PRKCA: variants seen among roughly 807,000 people sequenced by gnomAD.
PRKCA encodes protein kinase C alpha type.
A neutral mutation model predicts 87.0 loss-of-function variants in PRKCA; 27 were observed. The observed-to-expected ratio is 0.31, with a 90% CI of 0.23 to 0.43. The LOEUF is 0.43. Among genes scored for constraint, PRKCA ranks in the 20% least tolerant of loss-of-function variants. The probability of loss-of-function intolerance (pLI) is 1.00; values close to 1 mark genes in which losing one functional copy is unlikely to be tolerated. For synonymous variants in PRKCA, 329 were observed against 311.1 expected (o/e 1.06, Z -0.61); for missense variants, 518 against 852.3 (o/e 0.61, Z 4.88).
intron 8 of PRKCA, among the ~76,000 whole-genome samples, chr17:66,693,013 CAA>C (rs1972824187): frequency 6.6e-6 from 1 of 152,200 alleles, no homozygotes; most frequent in African/African-American, 2.4e-5. Flanking sequence ...CTCCAAAAAT[CAA>C]AAGTCATTCA....
chr17:66,533,702 C>T (rs1257337548), intron 3 of PRKCA, among the ~76,000 whole-genome samples: 1 of 140,122 alleles, frequency 7.1e-6, no homozygotes, highest in Non-Finnish European at 1.5e-5. Flanking sequence ...AGGCTGCCGC[C>T]CCCACTGGCC....
At chr17:66,633,921 C>G (rs545662046) in intron 3 of PRKCA, among the ~76,000 whole-genome samples, 6 of 152,318 alleles carry the variant, frequency 3.9e-5, no homozygotes, top group African/African-American at 1.4e-4. Context: ...GCAGACTTAC[C>G]TAGAATATGA....
At chr17:66,623,595 T>C (rs1970756435) in intron 3 of PRKCA, among the ~76,000 whole-genome samples, 1 of 152,164 alleles carries the variant, frequency 6.6e-6, no homozygotes, top group African/African-American at 2.4e-5. Flanking sequence ...GCAGTGGCCC[T>C]CTTTTGGGTG....
intron 5 of PRKCA, among the ~76,000 whole-genome samples, chr17:66,648,500 G>C (rs1210434541): frequency 6.6e-6 from 1 of 152,150 alleles, no homozygotes; most frequent in Non-Finnish European, 1.5e-5. Context: ...AAATTGGATG[G>C]CTAAATATTT....
At position 66,689,654 on chromosome 17, in the gene PRKCA, T is replaced by C. The variant is rs904410772; in HGVS notation, c.918+607T>C. ...GGTCTTTTTACTTCTCCTCCTCTGC[T>C]CCTTACTCCTCTTTTTCTTCTCCTC... On this transcript the variant is annotated intron_variant, in intron 8 of 16. Coordinates refer to ENST00000413366, the MANE Select transcript of PRKCA (RefSeq NM_002737.3). The surrounding 1 kb of genome is among the most constrained non-coding windows in gnomAD (Gnocchi z 4.1). Among the ~76,000 whole-genome samples the C allele has an allele frequency of 2.0e-5, 3 of 152,194 alleles. No individual in the cohort carries two copies. The highest frequency in any genetic ancestry group is 2.9e-5 in the Non-Finnish European group (2 of 68,034).
At chr17:66,781,870 T>G (rs62070961) in intron 14 of PRKCA, among the ~76,000 whole-genome samples, 39,226 of 106,640 alleles carry the variant, frequency 0.37, 7,130 homozygotes, top group African/African-American at 0.61. Context: ...GAGAGAGAGA[T>G]ATATATATAT....
intron 2 of PRKCA, among the ~76,000 whole-genome samples, chr17:66,472,402 C>G (rs1915363203): frequency 1.3e-5 from 2 of 152,298 alleles, no homozygotes; most frequent in Non-Finnish European, 1.5e-5. Flanking sequence ...CACAGGTGTC[C>G]CTGGGTTGGC....
At chr17:66,647,131 C>G (rs1567953142) in intron 5 of PRKCA, among the ~76,000 whole-genome samples, 1 of 40,604 alleles carries the variant, frequency 2.5e-5, no homozygotes, top group Non-Finnish European at 4.9e-5. Context: ...CATGAGACCC[C>G]TCTGCAACAT....
At chr17:66,514,865 G>A (rs562344301) in intron 3 of PRKCA, among the ~76,000 whole-genome samples, 1 of 152,224 alleles carries the variant, frequency 6.6e-6, no homozygotes, top group African/African-American at 2.4e-5. Flanking sequence ...CTCCGATTTG[G>A]AAAATGTTAG....
At chr17:66,369,557 T>C (rs1055776317) in intron 2 of PRKCA, among the ~76,000 whole-genome samples, 4 of 152,208 alleles carry the variant, frequency 2.6e-5, no homozygotes, top group African/African-American at 9.6e-5. Context: ...TTTTTTAACT[T>C]GGATGCCTTG....
chr17:66,437,731 T>TTTTTTTTTGA (rs55779501), intron 2 of PRKCA, among the ~76,000 whole-genome samples: 1 of 11,142 alleles, frequency 9.0e-5, no homozygotes, highest in Non-Finnish European at 1.6e-4. Flanking sequence ...TTTTTTTTTT[T>TTTTTTTTTGA]GAGCGGGGGG....
intron 2 of PRKCA, among the ~76,000 whole-genome samples, chr17:66,413,766 C>A (rs897206862): frequency 3.3e-5 from 5 of 152,140 alleles, no homozygotes; most frequent in Non-Finnish European, 7.3e-5. Flanking sequence ...GTAATCCCAG[C>A]ATTTTGGGAG....
chr17:66,303,314 GCGCCCACCCGCA>G (rs1342518981), intron 1 of PRKCA, among the ~76,000 whole-genome samples: 2 of 152,144 alleles, frequency 1.3e-5, no homozygotes, highest in Admixed American at 1.3e-4. Flanking sequence ...CTCCCCGGGC[GCGCCCACCCGCA>G]CGCACCCAGC....
chr17:66,389,285 G>T (rs73331479), intron 2 of PRKCA, among the ~76,000 whole-genome samples: 2,453 of 152,296 alleles, frequency 0.016, 68 homozygotes, highest in African/African-American at 0.055. Flanking sequence ...GGGGAGGGAA[G>T]AGAGGAGCAC....
chr17:66,526,432 T>C (rs1967350166), intron 3 of PRKCA, among the ~76,000 whole-genome samples: 1 of 152,200 alleles, frequency 6.6e-6, no homozygotes, highest in Non-Finnish European at 1.5e-5. Flanking sequence ...ATTTCACCTG[T>C]GCTCAGCTAG....
chr17:66,562,117 A>AC (rs1286438590), intron 3 of PRKCA, among the ~76,000 whole-genome samples: 1 of 114,052 alleles, frequency 8.8e-6, no homozygotes, highest in African/African-American at 3.6e-5. Flanking sequence ...TATATATATA[A>AC]TTAAATATAT....
chr17:66,664,281 G>A (rs576724525), intron 5 of PRKCA, among the ~76,000 whole-genome samples: 10 of 152,228 alleles, frequency 6.6e-5, no homozygotes, highest in African/African-American at 2.2e-4. Flanking sequence ...CCCACTCAGC[G>A]AAGCCCAAGG....
chr17:66,341,326 A>AT (rs941113945), intron 2 of PRKCA, among the ~76,000 whole-genome samples: 3 of 152,214 alleles, frequency 2.0e-5, no homozygotes, highest in Admixed American at 6.5e-5. Context: ...GCATGGTGAC[A>AT]TTTTTTTCCC....
chr17:66,335,814 G>GT (rs1274750911), intron 2 of PRKCA, among the ~76,000 whole-genome samples: 2 of 152,066 alleles, frequency 1.3e-5, no homozygotes, highest in Non-Finnish European at 2.9e-5. Flanking sequence ...CGTTTATCAG[G>GT]TTTTTCTTTA....
Sources: allele counts gnomAD v4.1 joint callset (sites outside exome capture counted in the v4.1 genomes callset), GRCh38; gene constraint gnomAD v4.1.1; non-coding constraint Gnocchi (gnomAD v3.1); transcripts MANE v1.5; gene names NCBI Gene and HGNC (gene_info 2026-07-23, HGNC 2026-07-21).